The following PIP5K1B variants were observed in gnomAD, a reference collection of about 807,000 sequenced individuals.
The protein encoded by PIP5K1B is phosphatidylinositol-4-phosphate 5-kinase type 1 beta.
In PIP5K1B, 42 loss-of-function variants were observed where a neutral mutation model predicts 67.0. The ratio of observed to expected loss-of-function variants is 0.63; its 90% CI spans 0.49 to 0.81. PIP5K1B has a LOEUF of 0.81. Ranked by LOEUF, PIP5K1B falls within the 30% of genes least tolerant of loss-of-function variation. The probability of loss-of-function intolerance (pLI) is 0.00; values close to 1 mark genes in which losing one functional copy is unlikely to be tolerated. For missense variants in PIP5K1B, 459 were observed against 646.3 expected (o/e 0.71, Z 3.14); for synonymous variants, 214 against 231.4 (o/e 0.92, Z 0.68).
At chr9:68,995,041 G>A (rs1299317695) in intron 15 of PIP5K1B, among the ~76,000 whole-genome samples, 2 of 152,026 alleles carry the variant, frequency 1.3e-5, no homozygotes, top group Non-Finnish European at 2.9e-5. Flanking sequence ...CTACTTGTGA[G>A]GCTGAGGCTG....
chr9:68,788,880 G>C (rs1831791847), intron 2 of PIP5K1B: 1 of 260,700 alleles, frequency 3.8e-6, no homozygotes, highest in African/African-American at 2.3e-5. Context: ...TGCACTGACA[G>C]GATAAGAGAG....
At chr9:68,920,385 T>TTTG (rs1826316171) in intron 11 of PIP5K1B, among the ~76,000 whole-genome samples, 1 of 144,054 alleles carries the variant, frequency 6.9e-6, no homozygotes, top group African/African-American at 2.6e-5. Context: ...TTTTTTTTTT[T>TTTG]GAGATGGAGT....
chr9:68,880,749 G>A (rs1367941917), intron 6 of PIP5K1B, among the ~76,000 whole-genome samples: 3 of 152,130 alleles, frequency 2.0e-5, no homozygotes, highest in Non-Finnish European at 2.9e-5. Flanking sequence ...CATCTCTGGG[G>A]CTTGCAAGAA....
intron 4 of PIP5K1B, among the ~76,000 whole-genome samples, chr9:68,837,777 T>A (rs1317985898): frequency 6.6e-6 from 1 of 151,954 alleles, no homozygotes; most frequent in African/African-American, 2.4e-5. Flanking sequence ...TTTTCAAAAA[T>A]TTCTTAGTGA....
intron 14 of PIP5K1B, among the ~76,000 whole-genome samples, chr9:68,978,310 C>A (rs1829725875): frequency 6.6e-6 from 1 of 152,202 alleles, no homozygotes; most frequent in South Asian, 2.1e-4. Flanking sequence ...AACTATCATT[C>A]TAGTCTCTGC....
chr9:68,805,419 T>C (rs1832819579), intron 2 of PIP5K1B, among the ~76,000 whole-genome samples: 1 of 152,202 alleles, frequency 6.6e-6, no homozygotes, highest in Non-Finnish European at 1.5e-5. Context: ...CTAAAAATAG[T>C]CATCACAATG....
chr9:68,831,384 G>C (rs1400164408), intron 4 of PIP5K1B, among the ~76,000 whole-genome samples: 1 of 152,178 alleles, frequency 6.6e-6, no homozygotes, highest in Non-Finnish European at 1.5e-5. Context: ...ACAACCTTAT[G>C]AGGTTATACT....
At chr9:68,900,401 T>C (rs1444166570) in intron 8 of PIP5K1B, among the ~76,000 whole-genome samples, 2 of 152,216 alleles carry the variant, frequency 1.3e-5, no homozygotes, top group African/African-American at 4.8e-5. Flanking sequence ...GAATTGAAAA[T>C]GTATATATTA....
chr9:68,942,470 G>T (rs1385230398), intron 14 of PIP5K1B, among the ~76,000 whole-genome samples: 1 of 151,916 alleles, frequency 6.6e-6, no homozygotes, highest in Non-Finnish European at 1.5e-5. Flanking sequence ...CAGTGGTGGT[G>T]GTGGTGGTGG....
chr9:68,901,703 T>C (rs1284018165), intron 8 of PIP5K1B, among the ~76,000 whole-genome samples: 1 of 152,210 alleles, frequency 6.6e-6, no homozygotes, highest in African/African-American at 2.4e-5. Flanking sequence ...AAAGTTAAAG[T>C]TGGTGAACAA....
chr9:68,728,469 G>T (rs1333377132), intron 1 of PIP5K1B, among the ~76,000 whole-genome samples: 1 of 151,994 alleles, frequency 6.6e-6, no homozygotes, highest in East Asian at 1.9e-4. Flanking sequence ...ATCATATTGG[G>T]GGTATGGATT....
At chr9:68,842,680 G>T (rs192726918) in intron 4 of PIP5K1B, among the ~76,000 whole-genome samples, 602 of 152,226 alleles carry the variant, frequency 4.0e-3, no homozygotes, top group African/African-American at 0.014. Flanking sequence ...GGTATTTTTG[G>T]TTTTTATGTC....
intron 1 of PIP5K1B, among the ~76,000 whole-genome samples, chr9:68,722,061 G>A (rs1222794327): frequency 1.3e-5 from 2 of 152,050 alleles, no homozygotes; most frequent in East Asian, 1.9e-4. Flanking sequence ...TCTTGCTCCT[G>A]TGACTCTTTG....
At chr9:68,912,600 T>C (rs936104651) in intron 8 of PIP5K1B, among the ~76,000 whole-genome samples, 8 of 152,194 alleles carry the variant, frequency 5.3e-5, no homozygotes, top group African/African-American at 1.9e-4. Flanking sequence ...GTAGGAATTA[T>C]TTGGTAGGAA....
intron 4 of PIP5K1B, among the ~76,000 whole-genome samples, chr9:68,853,244 A>T (rs1211224539): frequency 6.6e-6 from 1 of 152,190 alleles, no homozygotes; most frequent in African/African-American, 2.4e-5. Flanking sequence ...ATGGAAGCAT[A>T]ATCATATTCC....
Position 68,894,628 on chromosome 9 carries a change from G to A in PIP5K1B, c.761G>A (p.Arg254Lys). The change falls in exon 8 of 16, where the codon AGA (arginine) becomes AAA (lysine). Residue 254 changes from arginine to lysine, a missense_variant. Physicochemically the swap from Arg to Lys is conservative, Grantham distance 26. Around this residue, in one of 2 missense-constraint regions of PIP5K1B, gnomAD observed 290 missense variants for 474.4 expected, o/e 0.61. Coordinates refer to ENST00000265382, the MANE Select transcript of PIP5K1B (RefSeq NM_003558.4). The part of the protein sequence containing the change: ...TYNALMKTLQ[R>K]DCRVLESFKI... ...AACGCGCTTATGAAAACACTTCAGA[G>A]AGACTGCCGGGTAAGGAAGTTTGAT... 6.2e-7 allele frequency: 1 copy of A among 1,613,708 alleles called. No homozygotes were observed. The highest frequency in any genetic ancestry group is 8.5e-7 in the Non-Finnish European group (1 of 1,179,624).
chr9:68,809,883 T>C (rs1408537453), intron 2 of PIP5K1B, among the ~76,000 whole-genome samples: 1 of 152,206 alleles, frequency 6.6e-6, no homozygotes, highest in African/African-American at 2.4e-5. Flanking sequence ...CTGTCTCTCC[T>C]GCTAATAGGA....
intron 2 of PIP5K1B, among the ~76,000 whole-genome samples, chr9:68,762,605 G>C (rs115882581): frequency 0.011 from 1,730 of 152,200 alleles, 41 homozygotes; most frequent in African/African-American, 0.039. Context: ...AGATAAACCA[G>C]AGATTTTTCT....
chr9:68,969,835 G>A (rs184813002), intron 14 of PIP5K1B, among the ~76,000 whole-genome samples: 160 of 152,236 alleles, frequency 1.1e-3, no homozygotes, highest in African/African-American at 3.8e-3. Context: ...GGAAACAAGG[G>A]GAATCAGTGT....
Sources: gnomAD v4.1 joint callset for allele counts (sites outside exome capture counted in the v4.1 genomes callset) on GRCh38, gnomAD v4.1.1 for gene constraint, gnomAD v4.1.1 regional missense constraint, MANE v1.5 for transcripts, NCBI Gene and HGNC (gene_info 2026-07-23, HGNC 2026-07-21) for gene names.